HDAC11: variants seen among roughly 807,000 people sequenced by gnomAD.
The protein encoded by HDAC11 is histone deacetylase 11.
Under a neutral mutation model 41.1 loss-of-function variants are expected in HDAC11, and 23 were observed. The ratio of observed to expected loss-of-function variants is 0.56; its 90% CI spans 0.40 to 0.79. The LOEUF (loss-of-function observed/expected upper bound fraction) is 0.79. Among genes scored for constraint, HDAC11 ranks in the 30% least tolerant of loss-of-function variants. The pLI is 0.00. For missense variants in HDAC11, 402 were observed against 477.3 expected (o/e 0.84, Z 1.47); for synonymous variants, 187 against 186.6 (o/e 1.00, Z -0.02).
At position 13,485,192 on chromosome 3, in the gene HDAC11, C is replaced by G. The variant is rs549486623; in HGVS notation, c.252+1628C>G. Among the ~76,000 whole-genome samples, 4 of 152,376 alleles carry G rather than the reference C, an allele frequency of 2.6e-5. No homozygotes were observed. The East Asian group carries it at 7.7e-4, about 29-fold the overall frequency. ...AGTCAGGGCTGCTGCCTCCCTGCTCCCCAACCGCAGCCTGAGGTGTGAGAA... is the reference window on the plus strand; with the variant it reads ...AGTCAGGGCTGCTGCCTCCCTGCTCGCCAACCGCAGCCTGAGGTGTGAGAA... On this transcript the variant is annotated intron_variant, in intron 3 of 9. Transcript: ENST00000295757.
At chr3:13,501,793 C>A in intron 6 of HDAC11, 78 bp from the exon 7 acceptor site, 1 of 1,383,576 alleles carries the variant, frequency 7.2e-7, no homozygotes, top group Non-Finnish European at 1.0e-6. Flanking sequence ...CGCCCCTCGC[C>A]AGCCAGCTGG....
chr3:13,481,770 G>A (rs1055307190), intron 2 of HDAC11, among the ~76,000 whole-genome samples: 1 of 152,180 alleles, frequency 6.6e-6, no homozygotes, highest in Non-Finnish European at 1.5e-5. Flanking sequence ...ACAGATGGGG[G>A]AAATTGTGTC....
At chr3:13,485,023 G>A (rs1701495129) in intron 3 of HDAC11, among the ~76,000 whole-genome samples, 1 of 152,242 alleles carries the variant, frequency 6.6e-6, no homozygotes, top group South Asian at 2.1e-4. Flanking sequence ...AGCCACAGTG[G>A]ATGCCTGAGG....
chr3:13,498,494 C>T lies in HDAC11; in HGVS notation c.370-19C>T. ...GGATCGGCTGCCTGCGCCCCCTCACCCTCTGCTTGTCTCCAAAGGCGGGGA... is the reference window on the plus strand; with the variant it reads ...GGATCGGCTGCCTGCGCCCCCTCACTCTCTGCTTGTCTCCAAAGGCGGGGA... On this transcript the variant is annotated intron_variant, in intron 4 of 9. Coordinates refer to ENST00000295757, the MANE Select transcript of HDAC11 (RefSeq NM_024827.4). The T allele has an allele frequency of 6.2e-7, 1 of 1,613,930 alleles. No homozygotes were observed. The highest frequency in any genetic ancestry group is 8.5e-7 in the Non-Finnish European group (1 of 1,179,984).
rs1702439395 is a variant in HDAC11 at position 13,502,920 on chromosome 3, C to T, written c.589C>T (p.Arg197Cys). 1.9e-6 allele frequency: 3 copies of T among 1,613,442 alleles called. No individual in the cohort carries two copies. The highest frequency in any genetic ancestry group is 1.7e-5 in the Admixed American group (1 of 59,998). ...GHERDFMDDKRVYIMDVYNRH... is the reference protein window; with the variant it reads ...GHERDFMDDKCVYIMDVYNRH... The stretch of plus-strand genomic sequence containing the variant: ...TGAGCGAGACTTCATGGACGACAAG[C>T]GTGTGTACATCATGGATGTCTACAA... Residue 197 changes from arginine to cysteine, a missense_variant, in exon 8 of 10, where the codon CGT (arginine) becomes TGT (cysteine). Arg to Cys is a radical substitution (Grantham distance 180). Transcript: ENST00000295757. The surrounding 1 kb of genome is among the most constrained non-coding windows in gnomAD (Gnocchi z 4.1).
In HDAC11 at chr3:13,504,660, C is replaced by T; in HGVS notation, c.1021C>T (p.Leu341=). 1.2e-6 allele frequency: 2 copies of T among 1,613,786 alleles called. No homozygotes were observed. Among genetic ancestry groups the T allele is most frequent in the Middle Eastern group, 1.6e-4 (1 of 6,062 alleles). The change falls in exon 10 of 10, where the codon CTG becomes TTG. Residue 341 remains leucine, a synonymous_variant. Transcript: ENST00000295757. ...SVSAQNSDTP[L]LPPAVP ...CTCCGCACAGAACTCAGACACACCG[C>T]TGCTTCCCCCTGCAGTGCCCTGACC...
chr3:13,496,688 CCT>C (rs781173770), intron 3 of HDAC11, 46 bp from the exon 4 acceptor site: 33 of 1,286,676 alleles, frequency 2.6e-5, no homozygotes, highest in Non-Finnish European at 3.7e-5. Flanking sequence ...TCACGGGTTG[CCT>C]CAGGGTGGGG....
intron 4 of HDAC11, among the ~76,000 whole-genome samples, chr3:13,497,352 T>A (rs1702147875): frequency 6.6e-6 from 1 of 152,100 alleles, no homozygotes; most frequent in Non-Finnish European, 1.5e-5. Flanking sequence ...CTAATTTTTG[T>A]ATTTTTAGTA....
chr3:13,485,151 A>C (rs1262039221), intron 3 of HDAC11, among the ~76,000 whole-genome samples: 1 of 152,236 alleles, frequency 6.6e-6, no homozygotes, highest in Non-Finnish European at 1.5e-5. Context: ...CATCCAGTCC[A>C]GTCTTCTAGG....
intron 3 of HDAC11, among the ~76,000 whole-genome samples, chr3:13,493,161 C>T (rs1220075147): frequency 6.6e-6 from 1 of 152,174 alleles, no homozygotes; most frequent in Non-Finnish European, 1.5e-5. Context: ...AGTGCAGCAC[C>T]CCCCACCTGC....
chr3:13,501,772 GC>G, intron 6 of HDAC11, 98 bp from the exon 7 acceptor site: 1 of 1,051,092 alleles, frequency 9.5e-7, no homozygotes, highest in South Asian at 1.3e-5. Flanking sequence ...CAAGCATTAG[GC>G]CCCCCTCCCC....
chr3:13,499,654 C>G (rs1702263984), intron 5 of HDAC11, among the ~76,000 whole-genome samples: 2 of 152,126 alleles, frequency 1.3e-5, no homozygotes, highest in South Asian at 4.1e-4. Context: ...GAGGGGAGCC[C>G]CACTCTGCAG....
rs1702613815 is a variant in HDAC11, at chr3:13,506,102, G to T, written c.*1419G>T. 6.6e-6 allele frequency: 1 copy of T among 152,238 alleles called. No homozygotes were observed. The highest frequency in any genetic ancestry group is 1.5e-5 in the Non-Finnish European group (1 of 68,070). 9.4% of individuals were successfully genotyped at this position (152,238 alleles called of 1,614,324 possible). A position where few individuals can be genotyped will look rare whatever the true frequency, so the allele number is the denominator to read the frequency against. On this transcript the variant is annotated 3_prime_UTR_variant, in exon 10 of 10. Transcript: ENST00000295757. Reference sequence around the variant, plus strand: ...TCAACAATGCTGGCCTCCTGGACCAGACCCCGAGGCTCTAACAATGCACTC... The same window carrying T: ...TCAACAATGCTGGCCTCCTGGACCATACCCCGAGGCTCTAACAATGCACTC...
At chr3:13,487,760 A>G (rs1701663052) in intron 3 of HDAC11, among the ~76,000 whole-genome samples, 1 of 152,222 alleles carries the variant, frequency 6.6e-6, no homozygotes, top group Non-Finnish European at 1.5e-5. Context: ...TAGGTGCTGC[A>G]GGGATGGGAT....
intron 3 of HDAC11, among the ~76,000 whole-genome samples, chr3:13,495,939 T>C (rs1702076908): frequency 6.6e-6 from 1 of 152,246 alleles, no homozygotes; most frequent in African/African-American, 2.4e-5. Context: ...GGCATGAGAA[T>C]GGGCCCTCCA....
At chr3:13,483,990 C>T (rs1352163177) in intron 3 of HDAC11, among the ~76,000 whole-genome samples, 3 of 152,098 alleles carry the variant, frequency 2.0e-5, no homozygotes, top group African/African-American at 7.2e-5. Context: ...TGGAGTCTCA[C>T]TCTGTCGCCC....
At position 13,502,654 on chromosome 3, in the gene HDAC11, A is replaced by G. The variant is rs1453322349; in HGVS notation, c.553-230A>G. 5 of 452,802 alleles carry G rather than the reference A, an allele frequency of 1.1e-5. No individual in the cohort carries two copies. Among genetic ancestry groups the G allele is most frequent in the African/African-American group, 7.9e-5 (4 of 50,342 alleles). The allele number at this position is 452,802 out of a possible 1,614,324, so 28.0% of individuals were successfully genotyped here. A position where few individuals can be genotyped will look rare whatever the true frequency, so the allele number is the denominator to read the frequency against. ...GCAGAGCGGGATTTCTTCCTCTGAT[A>G]GGGAACCTAAGAGCACTGGGCTTGC... On this transcript the variant is annotated intron_variant, in intron 7 of 9. Transcript: ENST00000295757. This position sits in a 1 kb window ranked among gnomAD's most constrained non-coding sequence, Gnocchi z 4.1.
intron 5 of HDAC11, among the ~76,000 whole-genome samples, chr3:13,499,639 C>T (rs1295750216): frequency 6.6e-6 from 1 of 152,172 alleles, no homozygotes; most frequent in Non-Finnish European, 1.5e-5. Context: ...GGCCACTGCA[C>T]AGTTGAGGGG....
chr3:13,500,057 T>C (rs1282259983), intron 5 of HDAC11, among the ~76,000 whole-genome samples: 1 of 152,094 alleles, frequency 6.6e-6, no homozygotes, highest in Non-Finnish European at 1.5e-5. Context: ...TGTCTTCTCA[T>C]CATTAGGAGC....
Sources: gnomAD v4.1 joint callset for allele counts (sites outside exome capture counted in the v4.1 genomes callset) on GRCh38, gnomAD v4.1.1 for gene constraint, Gnocchi (gnomAD v3.1) non-coding constraint, MANE v1.5 for transcripts, NCBI Gene and HGNC (gene_info 2026-07-23, HGNC 2026-07-21) for gene names.